CLEC2A: variants seen among roughly 807,000 people sequenced by gnomAD.
CLEC2A encodes the protein C-type lectin domain family 2 member A.
Under a neutral mutation model 18.6 loss-of-function variants are expected in CLEC2A, and 19 were observed. The ratio of observed to expected loss-of-function variants is 1.02; its 90% CI spans 0.71 to 1.50. The LOEUF (loss-of-function observed/expected upper bound fraction) is 1.50. Among genes scored for constraint, CLEC2A ranks in the 40% most tolerant of loss-of-function variants. The pLI, the probability that CLEC2A is intolerant of heterozygous loss-of-function variation, is 0.00. For missense variants in CLEC2A, 190 were observed against 207.9 expected (o/e 0.91, Z 0.53); for synonymous variants, 74 against 64.0 (o/e 1.16, Z -0.75).
chr12:9,899,071 G>T (rs1862790816), intron 4 of CLEC2A: 2 of 646,636 alleles, frequency 3.1e-6, no homozygotes, highest in Non-Finnish European at 5.8e-6. Context: ...AAAATTCCAA[G>T]GCCTTTTATC....
At chr12:9,878,907 G>A in the CLEC2A span, among the ~76,000 whole-genome samples, 1 of 152,280 alleles carries the variant, frequency 6.6e-6, no homozygotes, top group Non-Finnish European at 1.5e-5. Flanking sequence ...ATGGGGGGAT[G>A]GAGAATGCTT....
chr12:9,900,777 G>A (rs997023733), intron 4 of CLEC2A, among the ~76,000 whole-genome samples: 1 of 152,210 alleles, frequency 6.6e-6, no homozygotes. Flanking sequence ...TTCCCCACTG[G>A]ACTTTTATTG....
At chr12:9,931,528 A>G (rs760586598) in intron 1 of CLEC2A, among the ~76,000 whole-genome samples, 43 of 152,302 alleles carry the variant, frequency 2.8e-4, no homozygotes, top group Non-Finnish European at 5.7e-4. Flanking sequence ...GAAAAGTTTT[A>G]CTAGGTAGCT....
chr12:9,889,186 G>A, the CLEC2A span, among the ~76,000 whole-genome samples: 1 of 152,102 alleles, frequency 6.6e-6, no homozygotes, highest in Non-Finnish European at 1.5e-5. Context: ...ATGAATTTAG[G>A]CAAATTAAAC....
chr12:9,925,391 G>A (rs1393104402), intron 2 of CLEC2A, among the ~76,000 whole-genome samples: 1 of 152,198 alleles, frequency 6.6e-6, no homozygotes, highest in Non-Finnish European at 1.5e-5. Flanking sequence ...AAGCTGCATG[G>A]TTTTTAAAAT....
chr12:9,912,904 T>C (rs1863009763), downstream of CLEC2A, among the ~76,000 whole-genome samples: 1 of 152,208 alleles, frequency 6.6e-6, no homozygotes, highest in Non-Finnish European at 1.5e-5. Flanking sequence ...TTCTCTAGTT[T>C]TTCTTACTAT....
At chr12:9,881,902 T>C in the CLEC2A span, among the ~76,000 whole-genome samples, 1 of 152,178 alleles carries the variant, frequency 6.6e-6, no homozygotes, top group Non-Finnish European at 1.5e-5. Context: ...CTGTGTGTTG[T>C]AGCATAAGAA....
exon 5 of CLEC2A, chr12:9,898,725 CTG>C (rs1862785656): frequency 2.0e-6 from 1 of 497,878 alleles, no homozygotes; most frequent in Non-Finnish European, 3.6e-6. Flanking sequence ...AGCCTATTAA[CTG>C]TGAATCAAAG....
At chr12:9,908,699 A>C (rs1862939258), downstream of CLEC2A, among the ~76,000 whole-genome samples, 1 of 152,150 alleles carries the variant, frequency 6.6e-6, no homozygotes, top group South Asian at 2.1e-4. Flanking sequence ...TTCCCTCTTA[A>C]AGAGACCTGT....
intron 2 of CLEC2A, among the ~76,000 whole-genome samples, chr12:9,924,843 G>T (rs1863242063): frequency 6.6e-6 from 1 of 152,102 alleles, no homozygotes; most frequent in South Asian, 2.1e-4. Flanking sequence ...AGATGCAAGA[G>T]AAAACACTCT....
In CLEC2A at chr12:9,916,758, G is replaced by A; in HGVS notation, c.352C>T (p.Leu118=). The change falls in exon 4 of 5, where the codon CTA becomes TTA. Residue 118 remains leucine (L), a synonymous_variant. Transcript: ENST00000455827. The part of the protein sequence containing the change: ...YAGTDMHWIG[L]SRKQGDSWKW... ...CAAGAATCTCCTTGTTTCCTGCTTA[G>A]TCCAATCCAGTGCATATCAGTTCCT... The A allele has an allele frequency of 6.4e-7, 1 of 1,551,370 alleles. No individual in the cohort carries two copies. The highest frequency in any genetic ancestry group is 1.2e-5 in the South Asian group (1 of 84,042).
At chr12:9,918,876 G>A (rs1863116928) in intron 3 of CLEC2A, among the ~76,000 whole-genome samples, 2 of 152,180 alleles carry the variant, frequency 1.3e-5, no homozygotes, top group African/African-American at 2.4e-5. Context: ...TCTCTTTTCT[G>A]TTTGTTTTCA....
chr12:9,932,262 C>A lies in CLEC2A; in HGVS notation c.55+13G>T. ...TTCCTTTACTTCCTTCTCATTCACT[C>A]TATAAAACTTACCTATCCGATGTAT... is the stretch of plus-strand genomic sequence containing the variant. On this transcript the variant is annotated intron_variant, in intron 1 of 4. Coordinates refer to ENST00000455827, the MANE Select transcript of CLEC2A (RefSeq NM_001130711.2). 6.5e-7 allele frequency: 1 copy of A among 1,533,542 alleles called. No homozygotes were observed. Among genetic ancestry groups the A allele is most frequent in the South Asian group, 1.2e-5 (1 of 83,672 alleles). 95.0% of individuals were successfully genotyped at this position (1,533,542 alleles called of 1,614,324 possible).
downstream of CLEC2A, among the ~76,000 whole-genome samples, chr12:9,910,611 G>A (rs934050787): frequency 2.5e-4 from 38 of 152,090 alleles, no homozygotes; most frequent in African/African-American, 5.6e-4. Flanking sequence ...AGTAGTGCTC[G>A]TTACCATTCA....
Position 9,916,775 on chromosome 12 carries a change from T to TCCAACG in CLEC2A, c.334_335insCGTTGG (p.Thr111_Asp112insAlaLeu). Reference sequence around the variant, plus strand: ...CCTGCTTAGTCCAATCCAGTGCATATCAGTTCCTGCGTACCTCTTCAAAAA... The same window carrying TCCAACG: ...CCTGCTTAGTCCAATCCAGTGCATATCCAACGCAGTTCCTGCGTACCTCTTCAAAAA... On this transcript the variant is annotated inframe_insertion, in exon 4 of 5. Coordinates refer to ENST00000455827, the MANE Select transcript of CLEC2A (RefSeq NM_001130711.2). 1 of 1,551,330 alleles carries TCCAACG rather than the reference T, an allele frequency of 6.4e-7. No homozygotes were observed. Among genetic ancestry groups the TCCAACG allele is most frequent in the East Asian group, 2.4e-5 (1 of 40,870 alleles).
chr12:9,895,603 C>T, downstream of CLEC2A: 1 of 1,266,328 alleles, frequency 7.9e-7, no homozygotes, highest in Non-Finnish European at 1.0e-6. Flanking sequence ...GAAGAATTAC[C>T]TATAAAAGTT....
intron 4 of CLEC2A, among the ~76,000 whole-genome samples, chr12:9,914,189 A>T (rs1330306045): frequency 6.6e-6 from 1 of 152,226 alleles, no homozygotes; most frequent in Non-Finnish European, 1.5e-5. Flanking sequence ...AAGAGACTGC[A>T]TACTGCAATA....
At chr12:9,885,137 CAT>C in the CLEC2A span, 3 of 365,388 alleles carry the variant, frequency 8.2e-6, no homozygotes, top group Non-Finnish European at 1.4e-5. Flanking sequence ...CCAAAACTGG[CAT>C]ATGTCATATT....
At chr12:9,912,714 T>C (rs1863005719), downstream of CLEC2A, among the ~76,000 whole-genome samples, 1 of 151,022 alleles carries the variant, frequency 6.6e-6, no homozygotes. Context: ...CACTTCCTGC[T>C]GACCATTCTA....
Sources: gnomAD v4.1 joint callset for allele counts (sites outside exome capture counted in the v4.1 genomes callset) on GRCh38, gnomAD v4.1.1 for gene constraint, MANE v1.5 for transcripts, NCBI Gene and HGNC (gene_info 2026-07-23, HGNC 2026-07-21) for gene names.